Variants in PTGER3 observed in about 807,000 individuals in gnomAD.
PTGER3 encodes prostaglandin E receptor 3, also known as prostaglandin E2 receptor EP3 subtype.
PTGER3 carries 22 observed loss-of-function variants against 34.7 expected under a neutral mutation model. That is an observed-to-expected ratio of 0.63 (90% CI 0.45 to 0.91). The LOEUF is 0.91. Ranked by LOEUF, PTGER3 falls within the 40% of genes least tolerant of loss-of-function variation. The probability of loss-of-function intolerance (pLI) is 0.00; values close to 1 mark genes in which losing one functional copy is unlikely to be tolerated. For missense variants in PTGER3, 468 were observed against 519.4 expected, an observed-to-expected ratio of 0.90 and a Z score of 0.96; for synonymous variants, 241 against 230.1, an observed-to-expected ratio of 1.05 and a Z score of -0.43.
intron 4 of PTGER3, among the ~76,000 whole-genome samples, chr1:70,859,326 A>T (rs900558304): frequency 5.3e-5 from 8 of 152,362 alleles, no homozygotes; most frequent in African/African-American, 1.9e-4. Context: ...GAAAAATGTT[A>T]GAGTCATGTA....
chr1:70,980,851 A>G (rs1480789835), intron 2 of PTGER3, among the ~76,000 whole-genome samples: 1 of 152,132 alleles, frequency 6.6e-6, no homozygotes, highest in Non-Finnish European at 1.5e-5. Context: ...TATTTTGTGC[A>G]AAGATTCTGT....
chr1:70,978,623 G>C (rs903572992), intron 2 of PTGER3, among the ~76,000 whole-genome samples: 9 of 152,044 alleles, frequency 5.9e-5, no homozygotes, highest in Non-Finnish European at 1.2e-4. Context: ...TGCTCTAGTT[G>C]GGAAGCAATT....
chr1:70,908,255 T>C (rs964853457), intron 4 of PTGER3, among the ~76,000 whole-genome samples: 4 of 152,168 alleles, frequency 2.6e-5, no homozygotes, highest in African/African-American at 7.2e-5. Context: ...ATCTGAATGA[T>C]TTTTTGGTCA....
In PTGER3 at chr1:70,884,137, A is replaced by G. The variant is rs557058873; in HGVS notation, c.*24-31278T>C. ...ATCAGAACACAATTATATCATCCTC[A>G]GTAATTTTACCATCCTAAGTAATTC... On this transcript the variant is annotated intron_variant, in intron 4 of 4. Coordinates refer to the PTGER3 transcript ENST00000370931. The G allele has an allele frequency of 2.6e-5, 9 of 342,406 alleles. No homozygotes were observed. In the East Asian group the frequency reaches 5.1e-4, roughly 19 times the overall value. 21.2% of individuals were successfully genotyped at this position (342,406 alleles called of 1,614,324 possible). A position where few individuals can be genotyped will look rare whatever the true frequency, so the allele number is the denominator to read the frequency against.
At position 70,974,366 on chromosome 1, in the gene PTGER3, T is replaced by C; in HGVS notation, c.1100A>G (p.Tyr367Cys). 1.8e-6 allele frequency: 2 copies of C among 1,142,304 alleles called. No individual in the cohort carries two copies. Among genetic ancestry groups the C allele is most frequent in the Non-Finnish European group, 2.7e-6 (2 of 749,036 alleles). 70.8% of individuals were successfully genotyped at this position (1,142,304 alleles called of 1,614,324 possible). Residue 367 changes from tyrosine (Y) to cysteine (C), a missense_variant, in exon 3 of 4, where the codon TAT (tyrosine) becomes TGT (cysteine). Physicochemically the swap from Tyr to Cys is radical, Grantham distance 194. Coordinates refer to ENST00000306666, the MANE Select transcript of PTGER3 (RefSeq NM_198719.2). ...FCQIRYHTNN[Y>C]ASSSTSLPCQ... ...GGGTAAGGAGGTGGAGCTGGATGCA[T>C]AGTTGTTTGTGTGGTACCTGATCTG... is the stretch of plus-strand genomic sequence containing the variant.
At chr1:70,857,358 T>G (rs1448549235) in intron 4 of PTGER3, among the ~76,000 whole-genome samples, 1 of 152,184 alleles carries the variant, frequency 6.6e-6, no homozygotes, top group Non-Finnish European at 1.5e-5. Context: ...GTTGTACCAT[T>G]TCCTTCTGAT....
chr1:71,007,430 C>T, intron 2 of PTGER3: 1 of 985,482 alleles, frequency 1.0e-6, no homozygotes, highest in Non-Finnish European at 1.2e-6. Context: ...GTGAACTTAT[C>T]ATTTGCTTTG....
chr1:70,953,336 G>A (rs890639968), intron 3 of PTGER3, among the ~76,000 whole-genome samples: 2 of 152,028 alleles, frequency 1.3e-5, no homozygotes, highest in African/African-American at 4.8e-5. Flanking sequence ...AGTGGATACC[G>A]AGGAACAACC....
At chr1:71,030,644 T>C (rs1458316838) in intron 1 of PTGER3, among the ~76,000 whole-genome samples, 1 of 152,194 alleles carries the variant, frequency 6.6e-6, no homozygotes. Context: ...AAATTGCCGG[T>C]ATCGTGGTGA....
chr1:70,863,161 AT>A (rs35235087), intron 4 of PTGER3, among the ~76,000 whole-genome samples: 4,644 of 149,628 alleles, frequency 0.031, 233 homozygotes, highest in African/African-American at 0.11. Context: ...CTAAAAGAGG[AT>A]TTTTTTTTTC....
At position 71,036,676 on chromosome 1, in the gene PTGER3, C is replaced by T. The variant is rs184685747; in HGVS notation, c.897+10005G>A. On this transcript the variant is annotated intron_variant, in intron 1 of 3. Transcript: ENST00000306666. ...TAACACGGTGAAACCCCGTCTCTACCAAAAATACAAAAACTAGCCGGGTGT... is the reference window on the plus strand; with the variant it reads ...TAACACGGTGAAACCCCGTCTCTACTAAAAATACAAAAACTAGCCGGGTGT... Among the ~76,000 whole-genome samples, 82 of 151,882 alleles carry T rather than the reference C, an allele frequency of 5.4e-4. 2 individuals carry two copies. Among genetic ancestry groups the T allele is most frequent in the Admixed American group, 5.4e-3 (82 of 15,236 alleles).
Position 71,047,258 on chromosome 1 carries a change from G to A in PTGER3, c.320C>T (p.Thr107Ile). The change falls in exon 1 of 4, where the codon ACC (threonine) becomes ATC (isoleucine). Residue 107 changes from threonine (T) to isoleucine (I), a missense_variant. Thr to Ile is a moderately conservative substitution (Grantham distance 89). Around this residue, in one of 5 missense-constraint regions of PTGER3, gnomAD observed 53 missense variants for 93.9 expected, o/e 0.56. Coordinates refer to ENST00000306666, the MANE Select transcript of PTGER3 (RefSeq NM_198719.2). Reference sequence around the variant, plus strand: ...CAGGTACACGACGATGACGACCGGGGTGGTGAGAAGCTGCCCGACCAGGTC... The same window carrying A: ...CAGGTACACGACGATGACGACCGGGATGGTGAGAAGCTGCCCGACCAGGTC... ...LTDLVGQLLT[T>I]PVVIVVYLSK... 6.3e-7 allele frequency: 1 copy of A among 1,596,478 alleles called. No homozygotes were observed. Among genetic ancestry groups the A allele is most frequent in the Non-Finnish European group, 8.5e-7 (1 of 1,172,156 alleles).
chr1:70,984,060 A>G (rs1440171718), intron 2 of PTGER3, among the ~76,000 whole-genome samples: 1 of 152,148 alleles, frequency 6.6e-6, no homozygotes, highest in Non-Finnish European at 1.5e-5. Context: ...ACTATCTGCT[A>G]TGTTGCTAAT....
chr1:70,979,439 C>T (rs1413897297), intron 2 of PTGER3, among the ~76,000 whole-genome samples: 2 of 152,082 alleles, frequency 1.3e-5, no homozygotes, highest in East Asian at 3.9e-4. Context: ...AATTGTTATT[C>T]TGTACAGAGA....
intron 4 of PTGER3, among the ~76,000 whole-genome samples, chr1:70,863,767 G>A (rs548288290): frequency 3.3e-5 from 5 of 152,086 alleles, no homozygotes; most frequent in African/African-American, 4.8e-5. Flanking sequence ...CAACCTGAAC[G>A]AAGGTAGAAA....
At chr1:71,025,431 T>C (rs1658841590) in intron 1 of PTGER3, among the ~76,000 whole-genome samples, 1 of 152,054 alleles carries the variant, frequency 6.6e-6, no homozygotes, top group Admixed American at 6.6e-5. Flanking sequence ...ATAACATTTA[T>C]TTAAAATATA....
intron 2 of PTGER3, among the ~76,000 whole-genome samples, chr1:70,957,067 C>A (rs1025741229): frequency 3.9e-5 from 6 of 152,220 alleles, no homozygotes; most frequent in Non-Finnish European, 5.9e-5. Flanking sequence ...AGGACAGAAT[C>A]GTAAATTAAA....
intron 2 of PTGER3, among the ~76,000 whole-genome samples, chr1:70,976,488 C>T (rs1653716092): frequency 6.6e-6 from 1 of 152,068 alleles, no homozygotes; most frequent in African/African-American, 2.4e-5. Context: ...CTGCTATGGA[C>T]TGCTCCAAAA....
At chr1:70,921,727 T>C (rs190850074) in intron 4 of PTGER3, among the ~76,000 whole-genome samples, 1 of 152,184 alleles carries the variant, frequency 6.6e-6, no homozygotes, top group African/African-American at 2.4e-5. Flanking sequence ...AGCTTGACCT[T>C]GTAACCAGGT....
Sources: allele counts gnomAD v4.1 joint callset (sites outside exome capture counted in the v4.1 genomes callset), GRCh38; gene constraint gnomAD v4.1.1; regional missense constraint gnomAD v4.1.1; transcripts MANE v1.5; gene names NCBI Gene and HGNC (gene_info 2026-07-23, HGNC 2026-07-21).